The following NKAIN2 variants were observed in gnomAD, a reference collection of about 807,000 sequenced individuals.
NKAIN2 encodes sodium/potassium transporting ATPase interacting 2, also known as sodium/potassium-transporting ATPase subunit beta-1-interacting protein 2.
NKAIN2 carries 14 observed loss-of-function variants against 32.6 expected under a neutral mutation model. The observed-to-expected ratio is 0.43, with a 90% CI of 0.28 to 0.67. NKAIN2 has a LOEUF of 0.67. NKAIN2 is among the 30% of genes least tolerant of loss of function. The pLI, the probability that NKAIN2 is intolerant of heterozygous loss-of-function variation, is 0.17. For missense variants in NKAIN2, 198 were observed against 258.3 expected, an observed-to-expected ratio of 0.77 and a Z score of 1.60; for synonymous variants, 80 against 87.2, an observed-to-expected ratio of 0.92 and a Z score of 0.46.
chr6:124,683,953 T>C (rs749157600), intron 4 of NKAIN2, among the ~76,000 whole-genome samples: 3 of 152,186 alleles, frequency 2.0e-5, no homozygotes, highest in South Asian at 2.1e-4. Context: ...GTTCTTTACA[T>C]GTGAGTCCCC....
intron 1 of NKAIN2, among the ~76,000 whole-genome samples, chr6:124,126,195 A>G (rs968085187): frequency 6.6e-6 from 1 of 152,048 alleles, no homozygotes; most frequent in Non-Finnish European, 1.5e-5. Context: ...CTGTCTGTCT[A>G]TCTTTCTCCC....
chr6:124,111,792 TG>T (rs1785396801), intron 1 of NKAIN2, among the ~76,000 whole-genome samples: 2 of 152,010 alleles, frequency 1.3e-5, no homozygotes, highest in Middle Eastern at 3.2e-3. Context: ...TTTTTGGTAT[TG>T]TTATGCCTCA....
chr6:124,424,152 C>G (rs2114542633), intron 3 of NKAIN2, among the ~76,000 whole-genome samples: 1 of 152,110 alleles, frequency 6.6e-6, no homozygotes, highest in East Asian at 1.9e-4. Flanking sequence ...CGCCACCATG[C>G]CCAGCTAATT....
chr6:124,540,380 G>C (rs1779868124), intron 3 of NKAIN2, among the ~76,000 whole-genome samples: 1 of 152,176 alleles, frequency 6.6e-6, no homozygotes, highest in African/African-American at 2.4e-5. Flanking sequence ...TTTAAAAACA[G>C]TTTTCTTGAA....
chr6:124,186,205 GGAAA>G (rs1234383536), intron 1 of NKAIN2, among the ~76,000 whole-genome samples: 2 of 111,604 alleles, frequency 1.8e-5, no homozygotes, highest in African/African-American at 5.6e-5. Flanking sequence ...AAGGAAAGAA[GGAAA>G]GAAGGAAGGA....
chr6:124,771,205 A>G (rs970433587), intron 4 of NKAIN2, among the ~76,000 whole-genome samples: 2 of 152,164 alleles, frequency 1.3e-5, no homozygotes, highest in Non-Finnish European at 2.9e-5. Context: ...TTTGAAGTAG[A>G]ACAAAAAGTG....
rs1295006331 is a variant in NKAIN2 at position 124,055,059 on chromosome 6, TTTCAAATACTATA to T, written c.55-227944_55-227932del. 1.9e-4 allele frequency among the ~76,000 whole-genome samples: 29 copies of T among 152,190 alleles called. No individual in the cohort carries two copies. In the East Asian group the frequency reaches 5.2e-3, roughly 27 times the overall value. ...TTTGATTAAATTCAGGTAAAATGTA[TTTCAAATACTATA>T]TCACCTAGATTGTCTTATATATTGC... On this transcript the variant is annotated intron_variant, in intron 1 of 6. Transcript: ENST00000368417.
chr6:124,155,592 T>G (rs936717996), intron 1 of NKAIN2, among the ~76,000 whole-genome samples: 12 of 151,476 alleles, frequency 7.9e-5, no homozygotes, highest in African/African-American at 2.9e-4. Context: ...GTGTAATATA[T>G]GCTATCTTTT....
At chr6:124,090,062 A>G (rs1329383466) in intron 1 of NKAIN2, among the ~76,000 whole-genome samples, 1 of 151,938 alleles carries the variant, frequency 6.6e-6, no homozygotes, top group East Asian at 1.9e-4. Flanking sequence ...AAGTTCAGCA[A>G]TCATGTTTAT....
intron 1 of NKAIN2, among the ~76,000 whole-genome samples, chr6:124,045,247 A>G (rs1373897532): frequency 6.6e-6 from 1 of 151,966 alleles, no homozygotes; most frequent in African/African-American, 2.4e-5. Context: ...CAAGATTTAT[A>G]TATTCTAATG....
At chr6:124,634,842 A>T (rs913590754) in intron 3 of NKAIN2, among the ~76,000 whole-genome samples, 1 of 152,030 alleles carries the variant, frequency 6.6e-6, no homozygotes, top group Non-Finnish European at 1.5e-5. Flanking sequence ...AAAAACAAAC[A>T]AACAAACAAA....
intron 2 of NKAIN2, among the ~76,000 whole-genome samples, chr6:124,283,638 C>A (rs1795408812): frequency 6.6e-6 from 1 of 152,114 alleles, no homozygotes; most frequent in Non-Finnish European, 1.5e-5. Context: ...CTCCATAATT[C>A]TCTTTTTGGC....
At chr6:124,583,231 A>G (rs1781587364) in intron 3 of NKAIN2, among the ~76,000 whole-genome samples, 1 of 125,304 alleles carries the variant, frequency 8.0e-6, no homozygotes, top group African/African-American at 3.0e-5. Flanking sequence ...GACTCCACCA[A>G]AAAAAAAAAA....
intron 1 of NKAIN2, among the ~76,000 whole-genome samples, chr6:123,870,067 G>A (rs959941606): frequency 9.9e-5 from 15 of 152,132 alleles, no homozygotes; most frequent in African/African-American, 3.4e-4. Context: ...ATCTGTAATT[G>A]TCAGTAAACT....
chr6:123,913,777 G>T (rs1207965476), intron 1 of NKAIN2, among the ~76,000 whole-genome samples: 5 of 151,206 alleles, frequency 3.3e-5, no homozygotes, highest in Non-Finnish European at 7.4e-5. Flanking sequence ...AGAACATTTT[G>T]TTTTTTTTAC....
At chr6:124,786,147 G>A (rs1779493133) in intron 4 of NKAIN2, among the ~76,000 whole-genome samples, 1 of 152,020 alleles carries the variant, frequency 6.6e-6, no homozygotes, top group East Asian at 1.9e-4. Flanking sequence ...ATCTGTACCT[G>A]TTGGCATTTC....
chr6:124,245,543 C>T (rs564782073), intron 1 of NKAIN2, among the ~76,000 whole-genome samples: 3 of 152,124 alleles, frequency 2.0e-5, no homozygotes, highest in African/African-American at 7.2e-5. Context: ...TCAGCTTGAA[C>T]TTATATTGCC....
intron 2 of NKAIN2, among the ~76,000 whole-genome samples, chr6:124,317,518 C>T (rs1030303705): frequency 1.6e-4 from 24 of 152,016 alleles, no homozygotes; most frequent in Admixed American, 4.6e-4. Context: ...GCAGGGTGCT[C>T]TCATTGTTTT....
chr6:124,572,578 G>A (rs575092242), intron 3 of NKAIN2, among the ~76,000 whole-genome samples: 43 of 152,040 alleles, frequency 2.8e-4, no homozygotes, highest in African/African-American at 8.4e-4. Flanking sequence ...CAAGGGTGGC[G>A]CACACAAAAA....
Sources: allele counts gnomAD v4.1 joint callset (sites outside exome capture counted in the v4.1 genomes callset), GRCh38; gene constraint gnomAD v4.1.1; transcripts MANE v1.5; gene names NCBI Gene and HGNC (gene_info 2026-07-23, HGNC 2026-07-21).